The following ARHGAP10 variants were observed in gnomAD, a reference collection of about 807,000 sequenced individuals.
ARHGAP10 encodes the protein rho GTPase-activating protein 10.
ARHGAP10 carries 87 observed loss-of-function variants against 108.6 expected under a neutral mutation model. That is an observed-to-expected ratio of 0.80 (90% CI 0.67 to 0.96). ARHGAP10 has a LOEUF of 0.96. Among genes scored for constraint, ARHGAP10 ranks in the 40% least tolerant of loss-of-function variants. ARHGAP10 has a pLI of 0.00. For synonymous variants in ARHGAP10, 347 were observed against 341.1 expected (o/e 1.02, Z -0.19); for missense variants, 939 against 954.5 (o/e 0.98, Z 0.21).
At position 147,906,687 on chromosome 4, in the gene ARHGAP10, C is replaced by T; in HGVS notation, c.1084C>T (p.Gln362Ter). 1 of 1,614,118 alleles carries T rather than the reference C, an allele frequency of 6.2e-7. No homozygotes were observed. Among genetic ancestry groups the T allele is most frequent in the Middle Eastern group, 1.6e-4 (1 of 6,062 alleles). ...GGCATTTTCCGAAGAGGAAAGGAAG[C>T]AGTGGTTGGAAGCTCTGGGTGGAAA... ...MQAFSEEERK[Q>*]WLEALGGKEA... Residue 362 changes from glutamine to a stop codon, truncating the protein, a stop_gained, in exon 11 of 23, where the codon CAG becomes TAG. Transcript: ENST00000336498. LOFTEE classifies it high-confidence loss of function.
intron 1 of ARHGAP10, among the ~76,000 whole-genome samples, chr4:147,799,911 T>TG (rs943123640): frequency 2.2e-4 from 33 of 152,204 alleles, no homozygotes; most frequent in East Asian, 5.8e-4. Flanking sequence ...ATCTTTTTTT[T>TG]GGGGGGGTGC....
At chr4:147,816,571 G>C (rs1160159452) in intron 1 of ARHGAP10, among the ~76,000 whole-genome samples, 1 of 152,222 alleles carries the variant, frequency 6.6e-6, no homozygotes, top group Non-Finnish European at 1.5e-5. Context: ...AGACAATGTT[G>C]GCCCATGAGC....
chr4:147,920,744 A>G (rs560709461), intron 13 of ARHGAP10, among the ~76,000 whole-genome samples: 13 of 152,362 alleles, frequency 8.5e-5, no homozygotes, highest in African/African-American at 3.1e-4. Context: ...TTAAGAGAAT[A>G]TGAGTGCATG....
intron 1 of ARHGAP10, among the ~76,000 whole-genome samples, chr4:147,810,176 C>T (rs977208999): frequency 2.6e-5 from 4 of 152,178 alleles, no homozygotes; most frequent in African/African-American, 7.2e-5. Context: ...CCATTACAGG[C>T]GAGAGATCAT....
Position 148,072,220 on chromosome 4 carries a change from C to CCG in ARHGAP10, c.*139_*140insCG. 8 of 375,814 alleles carry CCG rather than the reference C, an allele frequency of 2.1e-5. No homozygotes were observed. The highest frequency in any genetic ancestry group is 7.1e-5 in the East Asian group (1 of 14,084). 23.3% of individuals were successfully genotyped at this position (375,814 alleles called of 1,614,324 possible). A position where few individuals can be genotyped will look rare whatever the true frequency, so the allele number is the denominator to read the frequency against. Reference sequence around the variant, plus strand: ...GGAGTTACCATCATCACAGTCAGCCCTGGGGGTGGGGGGTGGTGGGCAGGG... The same window carrying CCG: ...GGAGTTACCATCATCACAGTCAGCCCCGTGGGGGTGGGGGGTGGTGGGCAGGG... On this transcript the variant is annotated 3_prime_UTR_variant, in exon 23 of 23. Coordinates refer to ENST00000336498, the MANE Select transcript of ARHGAP10 (RefSeq NM_024605.4).
At chr4:147,992,377 T>G (rs917834387) in intron 18 of ARHGAP10, among the ~76,000 whole-genome samples, 1 of 152,172 alleles carries the variant, frequency 6.6e-6, no homozygotes, top group African/African-American at 2.4e-5. Context: ...TCTTTTGGAT[T>G]TTTCTCTAAA....
chr4:147,840,574 T>C (rs1267966500), intron 3 of ARHGAP10, among the ~76,000 whole-genome samples: 1 of 152,224 alleles, frequency 6.6e-6, no homozygotes, highest in Non-Finnish European at 1.5e-5. Flanking sequence ...ATTCAGGCGG[T>C]ATGTGTCATC....
At chr4:148,035,277 G>T (rs977385728) in intron 19 of ARHGAP10, among the ~76,000 whole-genome samples, 1 of 152,168 alleles carries the variant, frequency 6.6e-6, no homozygotes, top group African/African-American at 2.4e-5. Context: ...AAAATAAAAT[G>T]TACTTATTAA....
chr4:147,847,392 A>C (rs375924397), intron 4 of ARHGAP10, among the ~76,000 whole-genome samples, 170 bp downstream of exon 4: 7 of 152,268 alleles, frequency 4.6e-5, no homozygotes, highest in Non-Finnish European at 7.3e-5. Flanking sequence ...AAACAAAACA[A>C]AAACACCTGG....
intron 13 of ARHGAP10, among the ~76,000 whole-genome samples, chr4:147,925,990 G>T (rs1737446378): frequency 6.6e-6 from 1 of 152,212 alleles, no homozygotes. Context: ...ATTTGCTAAG[G>T]CTGCAAGCAA....
chr4:148,010,665 C>T (rs1741134879), intron 18 of ARHGAP10, among the ~76,000 whole-genome samples: 1 of 152,130 alleles, frequency 6.6e-6, no homozygotes, highest in Non-Finnish European at 1.5e-5. Context: ...GGAAATTTGA[C>T]ATGGTCACAA....
intron 10 of ARHGAP10, 41 bp from the exon 11 acceptor site, chr4:147,906,597 G>A (rs755882979): frequency 1.4e-5 from 22 of 1,597,302 alleles, no homozygotes; most frequent in Admixed American, 1.2e-4. Context: ...TTGCCTTTTA[G>A]TGGCCAAGGG....
chr4:147,970,986 A>G (rs1739384045), intron 18 of ARHGAP10, among the ~76,000 whole-genome samples: 1 of 151,196 alleles, frequency 6.6e-6, no homozygotes, highest in South Asian at 2.1e-4. Flanking sequence ...CCAGCTATTC[A>G]GGAGGCTGAG....
chr4:148,062,583 TA>T (rs893302891), intron 20 of ARHGAP10, among the ~76,000 whole-genome samples: 1 of 151,050 alleles, frequency 6.6e-6, no homozygotes, highest in African/African-American at 2.4e-5. Context: ...ACATTAACTT[TA>T]AAAAAAAAGG....
rs114033334 is a variant in ARHGAP10 at position 147,990,788 on chromosome 4, G to A, written c.1716+23949G>A. Reference sequence around the variant, plus strand: ...GTCTACTTGAGGGACGAGGGAGGTCGGAGCACGAGGATCACAAAACTGCCT... The same window carrying A: ...GTCTACTTGAGGGACGAGGGAGGTCAGAGCACGAGGATCACAAAACTGCCT... On this transcript the variant is annotated intron_variant, in intron 18 of 22. Transcript: ENST00000336498. 3.6e-3 allele frequency among the ~76,000 whole-genome samples: 546 copies of A among 152,206 alleles called. 3 individuals are homozygous for A. The highest frequency in any genetic ancestry group is 6.2e-3 in the Admixed American group (95 of 15,306).
intron 10 of ARHGAP10, among the ~76,000 whole-genome samples, chr4:147,903,813 C>T (rs571703203): frequency 1.8e-3 from 271 of 152,292 alleles, no homozygotes; most frequent in African/African-American, 6.2e-3. Flanking sequence ...CCGAATAATA[C>T]TCCATTGTCA....
intron 1 of ARHGAP10, among the ~76,000 whole-genome samples, chr4:147,814,257 A>G (rs1270233067): frequency 1.3e-5 from 2 of 151,986 alleles, no homozygotes; most frequent in Non-Finnish European, 2.9e-5. Flanking sequence ...TTGGATCACA[A>G]AAGAGGATGT....
chr4:147,859,187 A>C (rs1734215392), intron 5 of ARHGAP10, among the ~76,000 whole-genome samples: 2 of 151,252 alleles, frequency 1.3e-5, no homozygotes, highest in African/African-American at 4.9e-5. Context: ...AATACTCTCC[A>C]CTCAGAGGTC....
intron 1 of ARHGAP10, among the ~76,000 whole-genome samples, chr4:147,771,481 T>C (rs1225022818): frequency 9.7e-6 from 1 of 103,590 alleles, no homozygotes; most frequent in East Asian, 3.1e-4. Context: ...TATACTCTTT[T>C]ATTTTAAAAT....
Sources: gnomAD v4.1 joint callset for allele counts (sites outside exome capture counted in the v4.1 genomes callset) on GRCh38, gnomAD v4.1.1 for gene constraint, MANE v1.5 for transcripts, NCBI Gene and HGNC (gene_info 2026-07-23, HGNC 2026-07-21) for gene names.